NDRG4: variants seen among roughly 807,000 people sequenced by gnomAD.
The protein encoded by NDRG4 is protein NDRG4.
In NDRG4, 38 loss-of-function variants were observed where a neutral mutation model predicts 55.8. That is an observed-to-expected ratio of 0.68 (90% CI 0.53 to 0.89). The LOEUF is 0.89. Among genes scored for constraint, NDRG4 ranks in the 40% least tolerant of loss-of-function variants. The probability of loss-of-function intolerance (pLI) is 0.00; values close to 1 mark genes in which losing one functional copy is unlikely to be tolerated. For synonymous variants in NDRG4, 190 were observed against 182.7 expected, an observed-to-expected ratio of 1.04 and a Z score of -0.32; for missense variants, 455 against 468.6, an observed-to-expected ratio of 0.97 and a Z score of 0.27.
intron 13 of NDRG4, among the ~76,000 whole-genome samples, chr16:58,509,585 A>T (rs771273338): frequency 3.9e-5 from 6 of 152,024 alleles, no homozygotes; most frequent in Non-Finnish European, 1.5e-5. Context: ...CTTAGGGAGG[A>T]CTTGGCGCAC....
intron 1 of NDRG4, among the ~76,000 whole-genome samples, chr16:58,483,717 G>T (rs1157152317): frequency 6.6e-6 from 1 of 152,238 alleles, no homozygotes; most frequent in African/African-American, 2.4e-5. Context: ...GGAACACACT[G>T]ATCACCTATG....
intron 14 of NDRG4, 87 bp downstream of exon 14, chr16:58,510,770 C>A: frequency 1.6e-6 from 2 of 1,254,442 alleles, no homozygotes; most frequent in Admixed American, 2.0e-5. Context: ...TGCAGCCAGG[C>A]CGCATCTTGC....
rs144442330 is a variant in NDRG4, at chr16:58,481,816, T to A, written c.-23-5940T>A. Among the ~76,000 whole-genome samples, 486 of 152,126 alleles carry A rather than the reference T, an allele frequency of 3.2e-3. 1 individual carries two copies. Among genetic ancestry groups the A allele is most frequent in the Non-Finnish European group, 5.3e-3 (363 of 67,958 alleles). On this transcript the variant is annotated intron_variant, in intron 1 of 15. Coordinates refer to the NDRG4 transcript ENST00000258187. ...TTGAGCCCCCATCCCTGCCCCACCC[T>A]CAGTGCTGTCCCAGGCCTAGGAGAT... is the stretch of plus-strand genomic sequence containing the variant.
intron 9 of NDRG4, 23 bp downstream of exon 9, chr16:58,507,887 GC>G: frequency 6.2e-7 from 1 of 1,613,986 alleles, no homozygotes; most frequent in Non-Finnish European, 8.5e-7. Flanking sequence ...TGGCCCTCTG[GC>G]CTGCCCTGGC....
intron 1 of NDRG4, chr16:58,501,154 C>A: frequency 9.7e-7 from 1 of 1,028,230 alleles, no homozygotes. Context: ...CACACGCCTG[C>A]CCTGCCGGTT....
Position 58,464,553 on chromosome 16 carries a change from G to A in NDRG4, c.-24+756G>A. The A allele has an allele frequency of 1.6e-6, 2 of 1,213,408 alleles. No homozygotes were observed. The highest frequency in any genetic ancestry group is 2.1e-6 in the Non-Finnish European group (2 of 950,006). The allele number at this position is 1,213,408 out of a possible 1,614,324, so 75.2% of individuals were successfully genotyped here. On this transcript the variant is annotated intron_variant, in intron 1 of 15. Coordinates refer to the NDRG4 transcript ENST00000258187. This position sits in a 1 kb window ranked among gnomAD's most constrained non-coding sequence, Gnocchi z 4.8. ...CGGCGGCCGGGGACTGGGGCGGCTC[G>A]GGTCTGAGCAGGAAGGGGTGCGGAC...
chr16:58,501,318 A>G, intron 1 of NDRG4: 1 of 377,226 alleles, frequency 2.7e-6, no homozygotes, highest in Non-Finnish European at 4.7e-6. Context: ...AGCCCGGCTC[A>G]AAGCCCCACT....
rs915626511 is a variant in NDRG4 at position 58,513,098 on chromosome 16, A to G, written c.*1522A>G. On this transcript the variant is annotated 3_prime_UTR_variant, in exon 15 of 15. Coordinates refer to ENST00000570248, the MANE Select transcript of NDRG4 (RefSeq NM_001242835.2). Reference sequence around the variant, plus strand: ...GTAGAATTCATCCCTCTTACTGTAGATAACACTGCAAATCTTGGAATTTTG... The same window carrying G: ...GTAGAATTCATCCCTCTTACTGTAGGTAACACTGCAAATCTTGGAATTTTG... 5 of 152,632 alleles carry G rather than the reference A, an allele frequency of 3.3e-5. No homozygotes were observed. Among genetic ancestry groups the G allele is most frequent in the African/African-American group, 9.7e-5 (4 of 41,408 alleles). The allele number at this position is 152,632 out of a possible 1,614,324, so 9.5% of individuals were successfully genotyped here.
In NDRG4 at chr16:58,464,792, C is replaced by T. The variant is rs1472136833; in HGVS notation, c.-24+995C>T. ...GCCCTCCAATCAGTGTCGCTTGTCC[C>T]CTAAGAAAGGACCCGTGGGCTTCTG... On this transcript the variant is annotated intron_variant, in intron 1 of 15. Transcript: ENST00000258187. The surrounding 1 kb of genome is among the most constrained non-coding windows in gnomAD (Gnocchi z 4.8). The T allele has an allele frequency of 1.8e-5, 23 of 1,281,868 alleles. No homozygotes were observed. Among genetic ancestry groups the T allele is most frequent in the Non-Finnish European group, 2.2e-5 (22 of 1,014,702 alleles). 79.4% of individuals were successfully genotyped at this position (1,281,868 alleles called of 1,614,324 possible). A position where few individuals can be genotyped will look rare whatever the true frequency, so the allele number is the denominator to read the frequency against.
chr16:58,514,401 C>T (rs1164137528), downstream of NDRG4, among the ~76,000 whole-genome samples: 1 of 152,054 alleles, frequency 6.6e-6, no homozygotes, highest in Non-Finnish European at 1.5e-5. Flanking sequence ...ATCTTAGTTT[C>T]GCAGGTGAGG....
intron 1 of NDRG4, among the ~76,000 whole-genome samples, chr16:58,502,443 AAG>A (rs1156640339): frequency 6.6e-6 from 1 of 152,202 alleles, no homozygotes; most frequent in East Asian, 1.9e-4. Context: ...CTGCAAGTCA[AAG>A]AGTGTTCTCC....
chr16:58,507,961 C>G lies in NDRG4; in HGVS notation c.691C>G (p.Leu231Val). 1 of 1,602,266 alleles carries G rather than the reference C, an allele frequency of 6.2e-7. No individual in the cohort carries two copies. Among genetic ancestry groups the G allele is most frequent in the Non-Finnish European group, 8.5e-7 (1 of 1,172,134 alleles). The change falls in exon 10 of 15, where the codon CTG (leucine) becomes GTG (valine). Residue 231 changes from leucine (L) to valine (V), a missense_variant. Coordinates refer to ENST00000570248, the MANE Select transcript of NDRG4 (RefSeq NM_001242835.2). ...NAKTLRCPVM[L>V]VVGDNAPAED... The stretch of plus-strand genomic sequence containing the variant: ...CTGTATCTGCAGCTGCCCCGTGATG[C>G]TGGTGGTTGGGGATAATGCACCCGC...
intron 1 of NDRG4, chr16:58,500,971 C>A: frequency 8.1e-7 from 1 of 1,240,084 alleles, no homozygotes; most frequent in Non-Finnish European, 1.0e-6. Context: ...GGGTTGCCTG[C>A]CTGCCTTATT....
intron 2 of NDRG4, among the ~76,000 whole-genome samples, chr16:58,491,882 A>T (rs78342211): frequency 6.6e-6 from 1 of 152,180 alleles, no homozygotes; most frequent in East Asian, 1.9e-4. Flanking sequence ...AGAGGGCTCA[A>T]GTGATCCTCC....
chr16:58,509,731 T>C (rs1567357285), intron 13 of NDRG4, among the ~76,000 whole-genome samples: 1 of 152,142 alleles, frequency 6.6e-6, no homozygotes, highest in Non-Finnish European at 1.5e-5. Flanking sequence ...GCCCCAGGGC[T>C]TGGGGTCAGA....
Position 58,513,150 on chromosome 16 carries a change from T to C in NDRG4, c.*1574T>C, listed in dbSNP as rs1366646532. 2 of 139,990 alleles carry C rather than the reference T, an allele frequency of 1.4e-5. No homozygotes were observed. The highest frequency in any genetic ancestry group is 3.1e-5 in the Non-Finnish European group (2 of 65,342). 8.7% of individuals were successfully genotyped at this position (139,990 alleles called of 1,614,324 possible). On this transcript the variant is annotated 3_prime_UTR_variant, in exon 15 of 15. Coordinates refer to ENST00000570248, the MANE Select transcript of NDRG4 (RefSeq NM_001242835.2). ...TTTTTGCTGTTTCCAGATGTATCTA[T>C]AAATATCTATACATTATATGTGTGT...
At position 58,513,164 on chromosome 16, in the gene NDRG4, T is replaced by TTGTG. The variant is rs1555490160; in HGVS notation, c.*1589_*1590insGTGT. On this transcript the variant is annotated 3_prime_UTR_variant, in exon 15 of 15. Transcript: ENST00000570248. Reference sequence around the variant, plus strand: ...AGATGTATCTATAAATATCTATACATTATATGTGTGTGTGTGTGTGTGTGT... The same window carrying TTGTG: ...AGATGTATCTATAAATATCTATACATTGTGTATATGTGTGTGTGTGTGTGTGTGT... 3.4e-5 allele frequency: 2 copies of TTGTG among 58,878 alleles called. No homozygotes were observed. The highest frequency in any genetic ancestry group is 1.7e-4 in the African/African-American group (2 of 11,906). The allele number at this position is 58,878 out of a possible 1,614,324, so 3.6% of individuals were successfully genotyped here. A position where few individuals can be genotyped will look rare whatever the true frequency, so the allele number is the denominator to read the frequency against.
Position 58,500,285 on chromosome 16 carries a change from G to A in NDRG4, c.21+16G>A, listed in dbSNP as rs1236162831. ...CTGGGATGGGGTGAGTGAGGGCGCT[G>A]CGGGCATCAAGGTGGGCCGGGAGGA... On this transcript the variant is annotated intron_variant, in intron 1 of 14. Coordinates refer to ENST00000570248, the MANE Select transcript of NDRG4 (RefSeq NM_001242835.2). 1.7e-5 allele frequency: 26 copies of A among 1,535,574 alleles called. No individual in the cohort carries two copies. The highest frequency in any genetic ancestry group is 1.7e-4 in the Middle Eastern group (1 of 5,834).
At chr16:58,487,784 C>G in exon 2 of NDRG4, 1 of 1,544,290 alleles carries the variant, frequency 6.5e-7, no homozygotes, top group Non-Finnish European at 8.7e-7. Context: ...TGACCATGGC[C>G]GGGCTGCAGG....
Sources: gnomAD v4.1 joint callset for allele counts (sites outside exome capture counted in the v4.1 genomes callset) on GRCh38, gnomAD v4.1.1 for gene constraint, Gnocchi (gnomAD v3.1) non-coding constraint, MANE v1.5 for transcripts, NCBI Gene and HGNC (gene_info 2026-07-23, HGNC 2026-07-21) for gene names.